The following BTG3 variants were observed in gnomAD, a reference collection of about 807,000 sequenced individuals.
The protein encoded by BTG3 is protein BTG3.
Under a neutral mutation model 25.8 loss-of-function variants are expected in BTG3, and 4 were observed. The observed-to-expected ratio is 0.16, with a 90% confidence interval of 0.08 to 0.36. The LOEUF (loss-of-function observed/expected upper bound fraction) is 0.36, where lower values mean the gene tolerates loss of function less well. Among genes scored for constraint, BTG3 ranks in the 10% least tolerant of loss-of-function variants. BTG3 has a pLI of 1.00. For missense variants in BTG3, 201 were observed against 304.9 expected, an observed-to-expected ratio of 0.66 and a Z score of 2.54; for synonymous variants, 107 against 99.9, an observed-to-expected ratio of 1.07 and a Z score of -0.42.
At chr21:17,598,247 C>A (rs563268843) in intron 4 of BTG3, among the ~76,000 whole-genome samples, 1 of 151,726 alleles carries the variant, frequency 6.6e-6, no homozygotes, top group African/African-American at 2.4e-5. Context: ...AATCATGGAA[C>A]GGGAGAGAAT....
At chr21:17,599,155 G>C in intron 3 of BTG3, 1 of 223,160 alleles carries the variant, frequency 4.5e-6, no homozygotes, top group South Asian at 9.6e-5. Context: ...CAATGAAATT[G>C]GTTGTACAAT....
At chr21:17,607,957 G>C (rs2061666937) in intron 2 of BTG3, among the ~76,000 whole-genome samples, 1 of 152,188 alleles carries the variant, frequency 6.6e-6, no homozygotes, top group Non-Finnish European at 1.5e-5. Flanking sequence ...ATACAGCAGA[G>C]TACAAAAGAC....
chr21:17,607,607 T>A (rs1404708506), intron 2 of BTG3, among the ~76,000 whole-genome samples: 3 of 151,994 alleles, frequency 2.0e-5, no homozygotes, highest in Non-Finnish European at 4.4e-5. Context: ...TATGTTTACC[T>A]CCTTTTTAGA....
rs1051615758 is a variant in BTG3, at chr21:17,594,032, T to C, written c.*61A>G. On this transcript the variant is annotated 3_prime_UTR_variant, in exon 5 of 5. Transcript: ENST00000348354. Reference sequence around the variant, plus strand: ...ATTAGTAAGAACTTTTAACTTTTAATGTGTAGTAAGGTTTATTCTACCTTT... The same window carrying C: ...ATTAGTAAGAACTTTTAACTTTTAACGTGTAGTAAGGTTTATTCTACCTTT... 6 of 1,538,480 alleles carry C rather than the reference T, an allele frequency of 3.9e-6. No homozygotes were observed. Among genetic ancestry groups the C allele is most frequent in the South Asian group, 1.3e-5 (1 of 77,300 alleles).
intron 3 of BTG3, chr21:17,604,202 G>T: frequency 9.3e-7 from 1 of 1,071,946 alleles, no homozygotes; most frequent in African/African-American, 1.7e-5. Context: ...CAGCGCTTTG[G>T]GAGGCCAAGG....
chr21:17,599,560 C>T (rs2061546711), intron 3 of BTG3, among the ~76,000 whole-genome samples: 1 of 151,234 alleles, frequency 6.6e-6, no homozygotes, highest in Non-Finnish European at 1.5e-5. Flanking sequence ...CCACTACAAT[C>T]TCCACCTCCC....
At chr21:17,597,486 G>T (rs921179407) in intron 4 of BTG3, among the ~76,000 whole-genome samples, 3 of 151,122 alleles carry the variant, frequency 2.0e-5, no homozygotes, top group African/African-American at 7.3e-5. Flanking sequence ...TCTCTGGAAG[G>T]ATACTAAAAA....
At chr21:17,611,386 G>C (rs1364785650) in intron 1 of BTG3, among the ~76,000 whole-genome samples, 2 of 152,160 alleles carry the variant, frequency 1.3e-5, no homozygotes, top group African/African-American at 2.4e-5. Context: ...GTTTCTGTTT[G>C]CTCTGCTTCA....
chr21:17,607,087 G>C (rs185061758), intron 2 of BTG3, among the ~76,000 whole-genome samples: 185 of 152,176 alleles, frequency 1.2e-3, no homozygotes, highest in African/African-American at 4.1e-3. Context: ...TTTTATAATA[G>C]TAACAACCCA....
Position 17,598,583 on chromosome 21 carries a change from C to T in BTG3, c.519+34G>A, listed in dbSNP as rs768408571. On this transcript the variant is annotated intron_variant, in intron 4 of 4. Transcript: ENST00000348354. ...CTGAAAGGTCCTGGCAATCCCTGCA[C>T]ATCCCTTTAAAACTGAGCTGTTTTC... 5 of 1,581,522 alleles carry T rather than the reference C, an allele frequency of 3.2e-6. No individual in the cohort carries two copies. In the Admixed American group the frequency reaches 6.7e-5, roughly 21 times the overall value.
At chr21:17,602,947 A>G (rs761227370) in intron 3 of BTG3, among the ~76,000 whole-genome samples, 1 of 152,218 alleles carries the variant, frequency 6.6e-6, no homozygotes, top group Non-Finnish European at 1.5e-5. Flanking sequence ...AACGTAAACT[A>G]TTTGATTGTG....
rs902939052 is a variant in BTG3, at chr21:17,612,750, T to C, written c.-60A>G. ...CGGAGATTCGGCGGCCCAGACCGTG[T>C]CCTGGCCGGGAACTGAGGGCTCCGC... On this transcript the variant is annotated 5_prime_UTR_variant, in exon 1 of 5. Transcript: ENST00000348354. 6.6e-6 allele frequency: 1 copy of C among 152,330 alleles called. No individual in the cohort carries two copies. The highest frequency in any genetic ancestry group is 2.4e-5 in the African/African-American group (1 of 41,424). The allele number at this position is 152,330 out of a possible 1,614,324, so 9.4% of individuals were successfully genotyped here.
chr21:17,605,200 T>C, intron 2 of BTG3: 1 of 528,454 alleles, frequency 1.9e-6, no homozygotes, highest in South Asian at 2.9e-5. Context: ...ATGGCACCTA[T>C]GTGAGCCCAA....
At chr21:17,608,887 A>G in intron 2 of BTG3, 85 bp downstream of exon 2, 2 of 1,307,500 alleles carry the variant, frequency 1.5e-6, no homozygotes, top group East Asian at 2.4e-5. Flanking sequence ...ACCTGTAGGC[A>G]TGGTCTGCAC....
intron 3 of BTG3, among the ~76,000 whole-genome samples, chr21:17,601,261 T>C (rs1186596865): frequency 1.3e-5 from 2 of 150,656 alleles, no homozygotes; most frequent in East Asian, 3.9e-4. Flanking sequence ...CAGAGGCAAG[T>C]CACTTAATTT....
chr21:17,600,776 T>C (rs1451524682), intron 3 of BTG3, among the ~76,000 whole-genome samples: 1 of 152,224 alleles, frequency 6.6e-6, no homozygotes, highest in Non-Finnish European at 1.5e-5. Context: ...AGCTATGCTG[T>C]CTTCCATTCC....
chr21:17,601,036 G>A (rs759916699), intron 3 of BTG3, among the ~76,000 whole-genome samples: 44 of 152,040 alleles, frequency 2.9e-4, no homozygotes, highest in Non-Finnish European at 4.9e-4. Context: ...GGTGGTGTGC[G>A]CCTGTAATCC....
chr21:17,600,722 G>A (rs1478646952), intron 3 of BTG3, among the ~76,000 whole-genome samples: 5 of 152,058 alleles, frequency 3.3e-5, no homozygotes, highest in Non-Finnish European at 7.4e-5. Flanking sequence ...TGGAAATCTA[G>A]CAGTCTCAGA....
At chr21:17,594,457 T>C (rs1444965714) in intron 4 of BTG3, 125 bp from the exon 5 acceptor site, 19 of 1,137,532 alleles carry the variant, frequency 1.7e-5, no homozygotes, top group Non-Finnish European at 2.4e-5. Flanking sequence ...GACACTCCTA[T>C]TGTCAGGTCT....
Sources: gnomAD v4.1 joint callset for allele counts (sites outside exome capture counted in the v4.1 genomes callset) on GRCh38, gnomAD v4.1.1 for gene constraint, MANE v1.5 for transcripts, NCBI Gene and HGNC (gene_info 2026-07-23, HGNC 2026-07-21) for gene names.